Variants in TG observed in about 807,000 individuals in gnomAD.
The protein encoded by TG is thyroid hormones.
A neutral mutation model predicts 324.7 loss-of-function variants in TG; 270 were observed. The observed-to-expected ratio is 0.83, with a 90% confidence interval of 0.75 to 0.92. TG has a LOEUF of 0.92. Ranked by LOEUF, TG falls within the 40% of genes least tolerant of loss-of-function variation. The pLI is 0.00. For synonymous variants in TG, 1,401 were observed against 1,327.0 expected, an observed-to-expected ratio of 1.06 and a Z score of -1.21; for missense variants, 3,591 against 3,456.4, an observed-to-expected ratio of 1.04 and a Z score of -0.98.
intron 29 of TG, among the ~76,000 whole-genome samples, chr8:132,965,507 G>T (rs570510637): frequency 2.0e-5 from 3 of 152,312 alleles, no homozygotes; most frequent in African/African-American, 7.2e-5. Flanking sequence ...TGAATGAATG[G>T]ACATTGCAAA....
intron 43 of TG, among the ~76,000 whole-genome samples, chr8:133,099,786 G>T (rs1277516716): frequency 6.6e-6 from 1 of 152,128 alleles, no homozygotes; most frequent in African/African-American, 2.4e-5. Flanking sequence ...AAATCCAGCT[G>T]GCTGTATTTT....
chr8:132,967,205 ACCATCCATCCATCCAT>A (rs370535189), intron 30 of TG, among the ~76,000 whole-genome samples: 3 of 101,272 alleles, frequency 3.0e-5, no homozygotes, highest in Admixed American at 9.8e-5. Flanking sequence ...ATCCCATCCA[ACCATCCATCCATCCAT>A]CCATCCATCC....
intron 41 of TG, among the ~76,000 whole-genome samples, chr8:133,071,394 A>G (rs1023703051): frequency 1.3e-5 from 2 of 152,204 alleles, no homozygotes; most frequent in African/African-American, 4.8e-5. Context: ...CCGTGTCCTT[A>G]GGCCTGAGGA....
rs1237954789 is a variant in TG, at chr8:132,897,769, A to G, written c.3122A>G (p.Gln1041Arg). The G allele has an allele frequency of 6.2e-7, 1 of 1,614,242 alleles. No homozygotes were observed. The highest frequency in any genetic ancestry group is 8.5e-7 in the Non-Finnish European group (1 of 1,180,042). ...CDAFGSWEPVQCHAGTGHCWC... is the reference protein window; with the variant it reads ...CDAFGSWEPVRCHAGTGHCWC... Reference sequence around the variant, plus strand: ...GCGTTTGGAAGTTGGGAGCCTGTGCAGTGCCACGCTGGGACTGGTAAGGAG... The same window carrying G: ...GCGTTTGGAAGTTGGGAGCCTGTGCGGTGCCACGCTGGGACTGGTAAGGAG... Residue 1041 changes from glutamine (Q) to arginine (R), a missense_variant, in exon 12 of 48, where the codon CAG becomes CGG. Physicochemically the swap from Gln to Arg is conservative, Grantham distance 43 (BLOSUM62 1). Transcript: ENST00000220616.
chr8:132,950,624 G>A (rs186666526), intron 27 of TG, among the ~76,000 whole-genome samples: 16 of 152,272 alleles, frequency 1.1e-4, no homozygotes, highest in Admixed American at 8.5e-4. Flanking sequence ...GCAGCGTGCC[G>A]CAATTGCGCA....
At position 133,133,625 on chromosome 8, in the gene TG, G is replaced by A. The variant is rs1258721562; in HGVS notation, c.8153G>A (p.Trp2718Ter). Residue 2718 changes from tryptophan to a stop codon, truncating the protein, a stop_gained, in exon 47 of 48, where the codon TGG becomes TAG. Transcript: ENST00000220616. LOFTEE classifies it low-confidence loss of function (END_TRUNC). ...CTGAAGAAAGCCGACTGCTCCTTCT[G>A]GTCCAAGTACATCTCGTCTCTGAAG... ...QGLKKADCSF[W>*]SKYISSLKTS... 1 of 1,614,152 alleles carries A rather than the reference G, an allele frequency of 6.2e-7. No homozygotes were observed.
chr8:132,926,695 A>G, intron 22 of TG, among the ~76,000 whole-genome samples: 1 of 152,182 alleles, frequency 6.6e-6, no homozygotes, highest in East Asian at 1.9e-4. Flanking sequence ...TCTGCAGGGG[A>G]CAGAGGGACT....
intron 18 of TG, 147 bp from the exon 19 acceptor site, chr8:132,911,230 G>T: frequency 7.2e-7 from 1 of 1,383,860 alleles, no homozygotes; most frequent in East Asian, 2.4e-5. Flanking sequence ...TGTGGAAAAG[G>T]GGGTCACTAT....
chr8:132,906,848 C>A lies in TG; in HGVS notation c.3795C>A (p.Ser1265Arg), dbSNP rs375533716. Reference sequence around the variant, plus strand: ...TTCCACCAGGGCCATTGATATGTAGCCTGGAGAGCGGACGCTGGGAGTCAC... The same window carrying A: ...TTCCACCAGGGCCATTGATATGTAGACTGGAGAGCGGACGCTGGGAGTCAC... ...SVFPPGPLICSLESGRWESQL... is the reference protein window; with the variant it reads ...SVFPPGPLICRLESGRWESQL... The change falls in exon 17 of 48, where the codon AGC (serine) becomes AGA (arginine). Residue 1265 changes from serine to arginine, a missense_variant. By Grantham distance (110) the Ser-to-Arg change is moderately radical. Transcript: ENST00000220616. 2.7e-5 allele frequency: 43 copies of A among 1,614,062 alleles called. 1 individual carries two copies. In the African/African-American group the frequency reaches 5.6e-4, roughly 21 times the overall value.
At chr8:133,132,218 C>T (rs62513973) in intron 46 of TG, among the ~76,000 whole-genome samples, 22,873 of 152,194 alleles carry the variant, frequency 0.15, 2,318 homozygotes, top group Non-Finnish European at 0.22. Context: ...CCATTGACAT[C>T]GGGGGCTGGA....
At chr8:133,076,032 A>T (rs577792981) in intron 41 of TG, 5 of 152,208 alleles carry the variant, frequency 3.3e-5, no homozygotes, top group Non-Finnish European at 5.9e-5. Context: ...CAAGCAGAGA[A>T]ACTCAGGCAC....
chr8:133,077,654 G>A (rs945676533), intron 41 of TG, among the ~76,000 whole-genome samples: 2 of 152,118 alleles, frequency 1.3e-5, no homozygotes, highest in African/African-American at 4.8e-5. Flanking sequence ...TCAAATCTTA[G>A]GCCTCTGTTT....
intron 35 of TG, among the ~76,000 whole-genome samples, chr8:133,010,858 A>G (rs1184617100): frequency 6.6e-6 from 1 of 152,162 alleles, no homozygotes; most frequent in Non-Finnish European, 1.5e-5. Context: ...CGTCCTACGT[A>G]CAGGACTAGG....
Position 132,893,834 on chromosome 8 carries a change from A to T in TG, c.2906A>T (p.Asp969Val). ...VAKGIRLRNEDLGLPPLFPPR... is the reference protein window; with the variant it reads ...VAKGIRLRNEVLGLPPLFPPR... ...AAGGGAATCCGGCTGAGGAATGAGG[A>T]CCTCGGCCTTCCTCCGCTCTTCCCG... The change falls in exon 11 of 48, where the codon GAC becomes GTC. Residue 969 changes from aspartate to valine, a missense_variant. Transcript: ENST00000220616. 1 of 1,613,692 alleles carries T rather than the reference A, an allele frequency of 6.2e-7. No individual in the cohort carries two copies. The highest frequency in any genetic ancestry group is 8.5e-7 in the Non-Finnish European group (1 of 1,179,876).
chr8:133,059,868 A>G (rs1564133552), intron 41 of TG, among the ~76,000 whole-genome samples: 1 of 152,238 alleles, frequency 6.6e-6, no homozygotes, highest in Non-Finnish European at 1.5e-5. Context: ...TTGGAGATCC[A>G]TCTCAAAATG....
At position 132,908,456 on chromosome 8, in the gene TG, G is replaced by T. The variant is rs960824678; in HGVS notation, c.4002+116G>T. ...CTGGAGACAGGGGCCCCATCTTCAA[G>T]TGTTTGCTGGAACTAATAGTGAATT... On this transcript the variant is annotated intron_variant, in intron 18 of 47. Transcript: ENST00000220616. The T allele has an allele frequency of 1.1e-5, 3 of 269,582 alleles. 1 individual carries two copies. The highest frequency in any genetic ancestry group is 1.9e-5 in the African/African-American group (1 of 52,072). 16.7% of individuals were successfully genotyped at this position (269,582 alleles called of 1,614,324 possible). A position where few individuals can be genotyped will look rare whatever the true frequency, so the allele number is the denominator to read the frequency against.
chr8:133,039,488 A>C (rs563106022), intron 41 of TG, among the ~76,000 whole-genome samples: 5 of 152,336 alleles, frequency 3.3e-5, no homozygotes, highest in Admixed American at 2.6e-4. Context: ...AAGATAACCC[A>C]CCAATCCCAA....
At chr8:132,914,915 G>A (rs567618455) in intron 20 of TG, among the ~76,000 whole-genome samples, 87 of 152,262 alleles carry the variant, frequency 5.7e-4, no homozygotes, top group Admixed American at 1.6e-3. Flanking sequence ...TGGCTTCAAC[G>A]CCAGATGCTG....
At chr8:132,981,480 C>T (rs978896083) in intron 34 of TG, among the ~76,000 whole-genome samples, 3 of 152,210 alleles carry the variant, frequency 2.0e-5, no homozygotes, top group Non-Finnish European at 4.4e-5. Flanking sequence ...CTGTGAGTCT[C>T]TTCTGGGAAG....
Sources: gnomAD v4.1 joint callset for allele counts (sites outside exome capture counted in the v4.1 genomes callset) on GRCh38, gnomAD v4.1.1 for gene constraint, MANE v1.5 for transcripts, NCBI Gene and HGNC (gene_info 2026-07-23, HGNC 2026-07-21) for gene names.